Variants in CACNA1E observed in about 807,000 individuals in gnomAD.
CACNA1E encodes the protein calcium voltage-gated channel subunit alpha1 E.
A neutral mutation model predicts 259.2 loss-of-function variants in CACNA1E; 40 were observed. The ratio of observed to expected loss-of-function variants is 0.15; its 90% CI spans 0.12 to 0.20. The LOEUF (loss-of-function observed/expected upper bound fraction) is 0.20, where lower values mean the gene tolerates loss of function less well. Among genes scored for constraint, CACNA1E ranks in the 10% least tolerant of loss-of-function variants. The probability of loss-of-function intolerance (pLI) is 1.00; values close to 1 mark genes in which losing one functional copy is unlikely to be tolerated. For missense variants in CACNA1E, 1,874 were observed against 3,040.1 expected (o/e 0.62, Z 9.02); for synonymous variants, 1,104 against 1,138.5 (o/e 0.97, Z 0.61).
At chr1:181,470,474 G>A (rs1184009513) in intron 2 of CACNA1E, among the ~76,000 whole-genome samples, 2 of 151,946 alleles carry the variant, frequency 1.3e-5, no homozygotes, top group Admixed American at 1.3e-4. Context: ...CTCCCATCTC[G>A]GCTTCCCAAA....
At chr1:181,430,943 A>G (rs1390081072) in intron 2 of CACNA1E, among the ~76,000 whole-genome samples, 1 of 152,202 alleles carries the variant, frequency 6.6e-6, no homozygotes, top group Non-Finnish European at 1.5e-5. Flanking sequence ...ATAGGACAAT[A>G]TGTGCTTTGC....
chr1:181,701,148 A>G (rs3766991), intron 7 of CACNA1E, among the ~76,000 whole-genome samples: 18,335 of 152,250 alleles, frequency 0.12, 1,139 homozygotes, highest in Admixed American at 0.16. Context: ...CTTTTTACAA[A>G]GGGGAAAGAT....
chr1:181,597,483 C>T (rs1481967798), intron 6 of CACNA1E, among the ~76,000 whole-genome samples: 3 of 152,080 alleles, frequency 2.0e-5, no homozygotes, highest in East Asian at 1.9e-4. Flanking sequence ...TAAATAATAC[C>T]GAAAATACAG....
intron 1 of CACNA1E, among the ~76,000 whole-genome samples, chr1:181,503,429 G>A (rs1481489710): frequency 6.6e-6 from 1 of 152,192 alleles, no homozygotes; most frequent in Non-Finnish European, 1.5e-5. Flanking sequence ...CCTCCTCTGG[G>A]GACTGGTGTT....
chr1:181,484,181 GT>G (rs1663569652), intron 1 of CACNA1E, among the ~76,000 whole-genome samples, 171 bp downstream of exon 1: 1 of 152,088 alleles, frequency 6.6e-6, no homozygotes, highest in Non-Finnish European at 1.5e-5. Context: ...GTGGAGACCC[GT>G]TTGGGCACTA....
intron 2 of CACNA1E, among the ~76,000 whole-genome samples, chr1:181,469,141 A>G (rs558097167): frequency 6.6e-6 from 1 of 152,198 alleles, no homozygotes; most frequent in South Asian, 2.1e-4. Context: ...GAAAGGTGAG[A>G]TAGGGTCAGA....
chr1:181,470,228 A>T (rs1168380971), intron 2 of CACNA1E, among the ~76,000 whole-genome samples: 1 of 151,914 alleles, frequency 6.6e-6, no homozygotes, highest in African/African-American at 2.4e-5. Flanking sequence ...GATCTCTGTC[A>T]CCCAGGTTGG....
At chr1:181,714,811 GC>G (rs1239854353) in intron 8 of CACNA1E, among the ~76,000 whole-genome samples, 2 of 152,190 alleles carry the variant, frequency 1.3e-5, no homozygotes, top group East Asian at 3.9e-4. Flanking sequence ...AAACCCACAA[GC>G]CCCCCTCCTG....
intron 18 of CACNA1E, among the ~76,000 whole-genome samples, chr1:181,729,221 C>A (rs1158833876): frequency 2.0e-5 from 3 of 151,870 alleles, no homozygotes; most frequent in Admixed American, 6.5e-5. Context: ...GTGTGCCCTG[C>A]TCAGCTGTGT....
chr1:181,667,521 T>G (rs1648354507), intron 7 of CACNA1E, among the ~76,000 whole-genome samples: 1 of 152,116 alleles, frequency 6.6e-6, no homozygotes, highest in African/African-American at 2.4e-5. Context: ...CCAATATCTG[T>G]GTCTTAAGAA....
intron 6 of CACNA1E, among the ~76,000 whole-genome samples, chr1:181,604,219 G>A (rs1253744735): frequency 1.3e-5 from 2 of 152,170 alleles, no homozygotes; most frequent in Admixed American, 6.5e-5. Context: ...CCTTGTCTCA[G>A]ACTGGGGTCC....
At chr1:181,339,243 C>T (rs866063770) in intron 1 of CACNA1E, among the ~76,000 whole-genome samples, 9 of 152,104 alleles carry the variant, frequency 5.9e-5, no homozygotes, top group Admixed American at 2.0e-4. Flanking sequence ...CTGTGTATCA[C>T]GTTGGGCAGT....
intron 16 of CACNA1E, among the ~76,000 whole-genome samples, chr1:181,723,191 G>A (rs1414058568): frequency 1.7e-4 from 26 of 152,182 alleles, no homozygotes; most frequent in Admixed American, 1.7e-3. Context: ...GAGATGCTCA[G>A]TAACAGGGGC....
At chr1:181,435,116 A>C (rs1659997872) in intron 2 of CACNA1E, among the ~76,000 whole-genome samples, 1 of 152,226 alleles carries the variant, frequency 6.6e-6, no homozygotes, top group African/African-American at 2.4e-5. Context: ...AACCATCATA[A>C]GCCCAGGACT....
chr1:181,631,810 G>T (rs763709731), intron 6 of CACNA1E, among the ~76,000 whole-genome samples: 9 of 152,152 alleles, frequency 5.9e-5, no homozygotes. Flanking sequence ...GGAACCCCGG[G>T]CTTGACCACT....
intron 13 of CACNA1E, 72 bp from the exon 14 acceptor site, chr1:181,720,134 T>C: frequency 6.4e-7 from 1 of 1,552,436 alleles, no homozygotes; most frequent in Non-Finnish European, 8.9e-7. Flanking sequence ...CTACCAGGCA[T>C]ATGCTGAGCT....
At chr1:181,534,570 G>A (rs1668025849) in intron 3 of CACNA1E, among the ~76,000 whole-genome samples, 1 of 152,044 alleles carries the variant, frequency 6.6e-6, no homozygotes, top group Non-Finnish European at 1.5e-5. Context: ...CTGCTTGGGT[G>A]ACGGCTACAC....
chr1:181,370,078 C>G (rs1335196031), intron 1 of CACNA1E, among the ~76,000 whole-genome samples: 3 of 151,618 alleles, frequency 2.0e-5, no homozygotes, highest in Non-Finnish European at 4.4e-5. Context: ...TAATTGATGT[C>G]AATCAGTTTG....
intron 3 of CACNA1E, among the ~76,000 whole-genome samples, chr1:181,531,820 C>T (rs2102733455): frequency 6.6e-6 from 1 of 152,298 alleles, no homozygotes; most frequent in Non-Finnish European, 1.5e-5. Context: ...TTTGGGAGGC[C>T]AAGGCGGGTC....
Sources: allele counts gnomAD v4.1 joint callset (sites outside exome capture counted in the v4.1 genomes callset), GRCh38; gene constraint gnomAD v4.1.1; transcripts MANE v1.5; gene names NCBI Gene and HGNC (gene_info 2026-07-23, HGNC 2026-07-21).